Variants in UROS observed in about 807,000 individuals in gnomAD.
UROS encodes the protein uroporphyrinogen III synthase, also known as uroporphyrinogen-III synthase.
Under a neutral mutation model 33.0 loss-of-function variants are expected in UROS, and 18 were observed. That is an observed-to-expected ratio of 0.55 (90% CI 0.38 to 0.81). The LOEUF is 0.81. Ranked by LOEUF, UROS falls within the 30% of genes least tolerant of loss-of-function variation. UROS has a pLI of 0.00. For synonymous variants in UROS, 114 were observed against 121.1 expected (o/e 0.94, Z 0.38); for missense variants, 293 against 314.9 (o/e 0.93, Z 0.53).
intron 1 of UROS, among the ~76,000 whole-genome samples, chr10:125,822,384 G>A (rs905412414): frequency 4.0e-5 from 6 of 149,832 alleles, no homozygotes; most frequent in Admixed American, 1.3e-4. Context: ...GTGCGGTGGC[G>A]CGATCTCGGC....
At chr10:125,789,163 C>T (rs779298332) in intron 9 of UROS, 158 bp from the exon 10 acceptor site, 375 of 1,420,194 alleles carry the variant, frequency 2.6e-4, no homozygotes, top group Non-Finnish European at 3.5e-4. Context: ...CGATTCTAGC[C>T]CAGCTTCTGA....
chr10:125,795,004 G>A lies in UROS; in HGVS notation c.562-26C>T, dbSNP rs3740179. 0.45 allele frequency: 710,070 copies of A among 1,589,188 alleles called. 161,003 individuals are homozygous for A. The highest frequency in any genetic ancestry group is 0.47 in the Non-Finnish European group (542,191 of 1,157,638). On this transcript the variant is annotated intron_variant, in intron 8 of 9. Coordinates refer to ENST00000368797, the MANE Select transcript of UROS (RefSeq NM_000375.3). ...CTGTGGGGAACAGAAAACAAGATCA[G>A]TCCTTGCCATGAGACTGAGGAGAGA...
At chr10:125,798,600 C>T (rs1436273111) in intron 6 of UROS, among the ~76,000 whole-genome samples, 1 of 152,214 alleles carries the variant, frequency 6.6e-6, no homozygotes, top group African/African-American at 2.4e-5. Flanking sequence ...CAGCCGGTAA[C>T]CGGCAGCCAG....
intron 6 of UROS, chr10:125,803,073 T>C: frequency 6.2e-7 from 1 of 1,612,596 alleles, no homozygotes; most frequent in South Asian, 1.1e-5. Context: ...AAGTATCTTT[T>C]AGAAGCACAC....
intron 1 of UROS, among the ~76,000 whole-genome samples, chr10:125,817,224 A>ATTTTTTTTTT (rs11431196): frequency 1.4e-5 from 1 of 74,058 alleles, no homozygotes; most frequent in East Asian, 4.5e-4. Flanking sequence ...TTATAGATGT[A>ATTTTTTTTTT]TTTTTTTTTT....
At chr10:125,807,253 C>G (rs1196646113) in intron 6 of UROS, 160 bp downstream of exon 6, 2 of 691,598 alleles carry the variant, frequency 2.9e-6, no homozygotes. Context: ...TAGACATACA[C>G]AAATACAAAT....
rs768578292 is a variant in UROS at position 125,798,054 on chromosome 10, A to C, written c.475+11T>G. On this transcript the variant is annotated intron_variant, in intron 7 of 9. Transcript: ENST00000368797. ...AAGTGGTAAGGGATGCAGTCAAAGC[A>C]TTCTACTCGCCTTTGTCCTTGAGCG... is the stretch of plus-strand genomic sequence containing the variant. 1 of 1,613,668 alleles carries C rather than the reference A, an allele frequency of 6.2e-7. No homozygotes were observed. The highest frequency in any genetic ancestry group is 2.2e-5 in the East Asian group (1 of 44,886).
At chr10:125,793,569 G>A (rs978581336) in intron 9 of UROS, 2 of 152,252 alleles carry the variant, frequency 1.3e-5, no homozygotes, top group Admixed American at 6.5e-5. Flanking sequence ...GGGCAGGTAC[G>A]GAGTTTCACT....
intron 7 of UROS, 116 bp from the exon 8 acceptor site, chr10:125,796,304 A>C: frequency 9.6e-7 from 1 of 1,046,272 alleles, no homozygotes; most frequent in South Asian, 1.3e-5. Flanking sequence ...TCCTGGAACG[A>C]GCTGCTTGGA....
At chr10:125,800,285 C>G (rs1287864305) in intron 6 of UROS, among the ~76,000 whole-genome samples, 1 of 152,224 alleles carries the variant, frequency 6.6e-6, no homozygotes, top group Non-Finnish European at 1.5e-5. Context: ...GACCCAGGGG[C>G]AGAACGTCTG....
intron 1 of UROS, chr10:125,819,616 G>A (rs1853671691): frequency 6.6e-6 from 1 of 152,300 alleles, no homozygotes; most frequent in African/African-American, 2.4e-5. Flanking sequence ...ACTCTGGTGG[G>A]TGGCTCATGG....
At chr10:125,806,975 C>G (rs1852390175) in intron 6 of UROS, among the ~76,000 whole-genome samples, 1 of 152,170 alleles carries the variant, frequency 6.6e-6, no homozygotes, top group South Asian at 2.1e-4. Flanking sequence ...AAATCCAAGT[C>G]CACAGGCAGC....
intron 6 of UROS, chr10:125,802,220 C>T (rs934652476): frequency 1.0e-6 from 1 of 985,564 alleles, no homozygotes; most frequent in South Asian, 4.7e-5. Flanking sequence ...AGCGAACCCT[C>T]CACACTGATG....
chr10:125,794,905 G>A lies in UROS; in HGVS notation c.635C>T (p.Ser212Phe). The change falls in exon 9 of 10, where the codon TCT (serine) becomes TTT (phenylalanine). Residue 212 changes from serine to phenylalanine, a missense_variant. Transcript: ENST00000368797. ...CTTAATTTGATCGATATTGTCACCA[G>A]ATAACTCCTGAATGTGCTTGAGACT... Reference protein sequence around the residue: ...TYSLKHIQELSGDNIDQIKFA... With the variant: ...TYSLKHIQELFGDNIDQIKFA... 1.2e-6 allele frequency: 2 copies of A among 1,614,022 alleles called. No homozygotes were observed. Among genetic ancestry groups the A allele is most frequent in the Non-Finnish European group, 1.7e-6 (2 of 1,179,930 alleles).
At chr10:125,791,746 T>C (rs1850949351) in intron 9 of UROS, 1 of 152,166 alleles carries the variant, frequency 6.6e-6, no homozygotes, top group Non-Finnish European at 1.5e-5. Context: ...ATTCTATTAA[T>C]ATGAGATGTC....
chr10:125,800,415 G>C (rs972609455), intron 6 of UROS, among the ~76,000 whole-genome samples: 2 of 152,194 alleles, frequency 1.3e-5, no homozygotes, highest in Admixed American at 6.5e-5. Context: ...CGTGCTGGGG[G>C]AACGGGGCGG....
intron 9 of UROS, chr10:125,789,218 C>T: frequency 6.9e-7 from 1 of 1,440,206 alleles, no homozygotes; most frequent in South Asian, 1.4e-5. Flanking sequence ...AGTCTGCCAC[C>T]CTGAGCGACT....
intron 3 of UROS, among the ~76,000 whole-genome samples, chr10:125,815,500 GA>G (rs1221689160): frequency 3.3e-5 from 5 of 152,256 alleles, no homozygotes; most frequent in Non-Finnish European, 7.3e-5. Context: ...ATAAAAATGG[GA>G]ATATTCAGGG....
intron 6 of UROS, 112 bp downstream of exon 6, chr10:125,807,301 A>T: frequency 1.1e-6 from 1 of 932,832 alleles, no homozygotes; most frequent in Non-Finnish European, 1.7e-6. Flanking sequence ...GATGCTCACC[A>T]ATCAATCTCA....
Sources: allele counts gnomAD v4.1 joint callset (sites outside exome capture counted in the v4.1 genomes callset), GRCh38; gene constraint gnomAD v4.1.1; transcripts MANE v1.5; gene names NCBI Gene and HGNC (gene_info 2026-07-23, HGNC 2026-07-21).